Variants in PDE8B observed in about 807,000 individuals in gnomAD.
The protein encoded by PDE8B is high affinity cAMP-specific and IBMX-insensitive 3',5'-cyclic phosphodiesterase 8B.
Under a neutral mutation model 101.3 loss-of-function variants are expected in PDE8B, and 26 were observed. The ratio of observed to expected loss-of-function variants is 0.26; its 90% CI spans 0.19 to 0.36. The LOEUF (loss-of-function observed/expected upper bound fraction) is 0.36, where lower values mean the gene tolerates loss of function less well. PDE8B is among the 10% of genes least tolerant of loss of function. The probability of loss-of-function intolerance (pLI) is 1.00; values close to 1 mark genes in which losing one functional copy is unlikely to be tolerated. For missense variants in PDE8B, 810 were observed against 1,163.1 expected (o/e 0.70, Z 4.42); for synonymous variants, 424 against 429.3 (o/e 0.99, Z 0.15).
At chr5:77,421,358 C>T (rs1479895356) in intron 19 of PDE8B, among the ~76,000 whole-genome samples, 1 of 152,034 alleles carries the variant, frequency 6.6e-6, no homozygotes, top group African/African-American at 2.4e-5. Context: ...TAGTAGAAAT[C>T]AAGAAATAAT....
At chr5:77,331,629 A>G (rs530627347) in intron 5 of PDE8B, among the ~76,000 whole-genome samples, 170 bp downstream of exon 5, 2 of 152,212 alleles carry the variant, frequency 1.3e-5, no homozygotes, top group South Asian at 2.1e-4. Context: ...AGCAGCTGCC[A>G]GTCGAGCTCT....
intron 2 of PDE8B, among the ~76,000 whole-genome samples, chr5:77,324,049 C>T (rs1321303411): frequency 5.3e-5 from 8 of 152,108 alleles, no homozygotes; most frequent in Admixed American, 1.3e-4. Context: ...AAGTGAAACA[C>T]GTTTGGTGTT....
At chr5:77,388,944 G>C (rs1268499447) in intron 10 of PDE8B, among the ~76,000 whole-genome samples, 1 of 152,116 alleles carries the variant, frequency 6.6e-6, no homozygotes, top group East Asian at 1.9e-4. Context: ...AGCATCCCAA[G>C]TTGACCTTAG....
At chr5:77,210,564 C>A, upstream of PDE8B, 1 of 935,446 alleles carries the variant, frequency 1.1e-6, no homozygotes. The surrounding 1 kb of genome is among the most constrained non-coding windows in gnomAD (Gnocchi z 4.9). Context: ...CCGGCGAGGT[C>A]GAGCTGGGCG....
At chr5:77,295,461 G>A (rs1001959511) in intron 1 of PDE8B, among the ~76,000 whole-genome samples, 1 of 152,136 alleles carries the variant, frequency 6.6e-6, no homozygotes, top group African/African-American at 2.4e-5. Flanking sequence ...TGTAAAAAGT[G>A]GTTCTATGAT....
chr5:77,367,768 A>G (rs532331859), intron 10 of PDE8B, among the ~76,000 whole-genome samples: 2 of 152,306 alleles, frequency 1.3e-5, no homozygotes, highest in South Asian at 2.1e-4. Context: ...TGACCTCATG[A>G]TCTGCCTGCC....
intron 1 of PDE8B, among the ~76,000 whole-genome samples, chr5:77,276,604 A>G (rs965361329): frequency 1.3e-5 from 2 of 152,210 alleles, no homozygotes; most frequent in Non-Finnish European, 2.9e-5. Flanking sequence ...GTTCAGCATC[A>G]GACACAATAT....
the PDE8B span, among the ~76,000 whole-genome samples, chr5:77,155,598 T>A: frequency 0.067 from 10,145 of 152,232 alleles, 1,101 homozygotes; most frequent in African/African-American, 0.23. Context: ...AGATGAAAGG[T>A]ATGAATTCGT....
At chr5:77,376,265 C>G (rs1451565919) in intron 10 of PDE8B, among the ~76,000 whole-genome samples, 4 of 152,114 alleles carry the variant, frequency 2.6e-5, no homozygotes, top group Non-Finnish European at 5.9e-5. Flanking sequence ...TATTTAGTAT[C>G]AAATTTGAGA....
intron 1 of PDE8B, among the ~76,000 whole-genome samples, chr5:77,236,150 C>T (rs559240125): frequency 6.6e-6 from 1 of 152,142 alleles, no homozygotes; most frequent in Non-Finnish European, 1.5e-5. Flanking sequence ...GAGGAATACC[C>T]CAGACAGTGG....
At chr5:77,415,429 C>T (rs1371850640) in intron 17 of PDE8B, among the ~76,000 whole-genome samples, 2 of 139,864 alleles carry the variant, frequency 1.4e-5, no homozygotes, top group Non-Finnish European at 3.0e-5. Context: ...ATGATCTTGG[C>T]TCACTGCAAC....
intron 10 of PDE8B, among the ~76,000 whole-genome samples, chr5:77,356,493 G>A (rs1782130569): frequency 6.6e-6 from 1 of 152,136 alleles, no homozygotes; most frequent in African/African-American, 2.4e-5. Context: ...GCAGTGGCAC[G>A]ATCTCAGCTC....
At chr5:77,218,218 A>G (rs967836766) in intron 1 of PDE8B, among the ~76,000 whole-genome samples, 1 of 152,254 alleles carries the variant, frequency 6.6e-6, no homozygotes, top group Non-Finnish European at 1.5e-5. Context: ...ACACTTTGCA[A>G]CAAGGTAAAC....
rs777233726 is a variant in PDE8B at position 77,308,823 on chromosome 5, C to T, written c.340-3171C>T. On this transcript the variant is annotated intron_variant, in intron 1 of 21. Transcript: ENST00000264917. ...GAGTCAAAAGTCGCCTGCCCTTCCC[C>T]GCCAGCCCACCATGTAAGGTTAGCT... Among the ~76,000 whole-genome samples, 19 of 152,234 alleles carry T rather than the reference C, an allele frequency of 1.2e-4. No individual in the cohort carries two copies. The South Asian group carries it at 2.5e-3, about 20-fold the overall frequency.
intron 10 of PDE8B, among the ~76,000 whole-genome samples, chr5:77,361,210 G>A (rs1307977396): frequency 1.3e-5 from 2 of 152,034 alleles, no homozygotes; most frequent in Non-Finnish European, 2.9e-5. Flanking sequence ...CATCATTCTG[G>A]CAGCTTTAAA....
At chr5:77,257,952 A>G (rs114681748) in intron 1 of PDE8B, among the ~76,000 whole-genome samples, 291 of 152,232 alleles carry the variant, frequency 1.9e-3, no homozygotes, top group African/African-American at 6.9e-3. Flanking sequence ...GGCAAAAGAA[A>G]AGTGCAAGGA....
chr5:77,163,324 T>G, the PDE8B span, among the ~76,000 whole-genome samples: 1 of 152,208 alleles, frequency 6.6e-6, no homozygotes, highest in East Asian at 1.9e-4. Flanking sequence ...TTGCTTTCAT[T>G]TATTTAAGGG....
chr5:77,395,011 T>C (rs1389218467), intron 10 of PDE8B, among the ~76,000 whole-genome samples: 3 of 152,184 alleles, frequency 2.0e-5, no homozygotes, highest in East Asian at 3.9e-4. Context: ...AGAAAACTGG[T>C]TTGGGTTCCT....
At chr5:77,276,139 G>T in intron 1 of PDE8B, among the ~76,000 whole-genome samples, 1 of 152,216 alleles carries the variant, frequency 6.6e-6, no homozygotes, top group East Asian at 1.9e-4. Context: ...TGTCTCTAAG[G>T]TATGACACTT....
Sources: gnomAD v4.1 joint callset for allele counts (sites outside exome capture counted in the v4.1 genomes callset) on GRCh38, gnomAD v4.1.1 for gene constraint, Gnocchi (gnomAD v3.1) non-coding constraint, MANE v1.5 for transcripts, NCBI Gene and HGNC (gene_info 2026-07-23, HGNC 2026-07-21) for gene names.